NECTIN2: variants seen among roughly 807,000 people sequenced by gnomAD.
The protein encoded by NECTIN2 is nectin cell adhesion molecule 2.
A neutral mutation model predicts 56.9 loss-of-function variants in NECTIN2; 23 were observed. The observed-to-expected ratio is 0.40, with a 90% CI of 0.29 to 0.57. The LOEUF (loss-of-function observed/expected upper bound fraction) is 0.57. Ranked by LOEUF, NECTIN2 falls within the 20% of genes least tolerant of loss-of-function variation. The pLI, the probability that NECTIN2 is intolerant of heterozygous loss-of-function variation, is 0.38. For missense variants in NECTIN2, 587 were observed against 718.3 expected (o/e 0.82, Z 2.09); for synonymous variants, 302 against 313.8 (o/e 0.96, Z 0.40).
Position 44,857,705 on chromosome 19 carries a change from G to GTTTTTTT in NECTIN2, c.89-7561_89-7560insTTTTTTT, listed in dbSNP as rs752045466. Among the ~76,000 whole-genome samples, 6 of 118,596 alleles carry GTTTTTTT rather than the reference G, an allele frequency of 5.1e-5. 2 individuals are homozygous for GTTTTTTT. The highest frequency in any genetic ancestry group is 8.7e-5 in the Non-Finnish European group (5 of 57,782). The allele number at this position is 118,596 out of a possible 152,430, so 77.8% of individuals were successfully genotyped here. A position where few individuals can be genotyped will look rare whatever the true frequency, so the allele number is the denominator to read the frequency against. On this transcript the variant is annotated intron_variant, in intron 1 of 8. Transcript: ENST00000252483. Reference sequence around the variant, plus strand: ...GCGTGAGCCATCGTGCCGGGTTTTTGTTTTTGTTTTTTTTTTTTTAAGAGA... The same window carrying GTTTTTTT: ...GCGTGAGCCATCGTGCCGGGTTTTTGTTTTTTTTTTTTGTTTTTTTTTTTTTAAGAGA...
chr19:44,888,070 A>G (rs1568601945), intron 8 of NECTIN2, 40 bp from the exon 9 acceptor site: 1 of 1,592,206 alleles, frequency 6.3e-7, no homozygotes, highest in Non-Finnish European at 8.6e-7. Context: ...TGTCGTGCGT[A>G]GGAAGTGATC....
intron 2 of NECTIN2, among the ~76,000 whole-genome samples, chr19:44,871,503 A>G (rs1969173904): frequency 6.6e-6 from 1 of 152,144 alleles, no homozygotes; most frequent in Non-Finnish European, 1.5e-5. Context: ...ACTCGAGACC[A>G]GGTGACAGAG....
At chr19:44,856,802 C>A (rs1470700478) in intron 1 of NECTIN2, among the ~76,000 whole-genome samples, 1 of 152,202 alleles carries the variant, frequency 6.6e-6, no homozygotes, top group Admixed American at 6.5e-5. Flanking sequence ...CATATCCGGA[C>A]TTCTGTCTGG....
chr19:44,878,843 C>G (rs1387182573), intron 5 of NECTIN2: 3 of 1,325,394 alleles, frequency 2.3e-6, no homozygotes, highest in Non-Finnish European at 2.9e-6. Flanking sequence ...AGTGGGGATC[C>G]AGAGAGGACC....
intron 1 of NECTIN2, among the ~76,000 whole-genome samples, chr19:44,862,612 T>C (rs1356521083): frequency 1.3e-5 from 2 of 152,156 alleles, no homozygotes; most frequent in Non-Finnish European, 2.9e-5. Context: ...AAATACCACA[T>C]GTTCTCACTT....
chr19:44,872,092 G>A lies in NECTIN2; in HGVS notation c.718G>A (p.Val240Met), dbSNP rs1969181654. 6.2e-7 allele frequency: 1 copy of A among 1,614,198 alleles called. No homozygotes were observed. Among genetic ancestry groups the A allele is most frequent in the Non-Finnish European group, 8.5e-7 (1 of 1,180,030 alleles). ...RADGVTVTCKVEHESFEEPAL... is the reference protein window; with the variant it reads ...RADGVTVTCKMEHESFEEPAL... ...AGATGGTGTCACGGTCACCTGCAAA[G>A]TGGAGCATGAGAGCTTCGAGGAACC... Residue 240 changes from valine to methionine, a missense_variant, in exon 3 of 9, where the codon GTG (valine) becomes ATG (methionine). Val to Met is a conservative substitution (Grantham distance 21). Coordinates refer to ENST00000252483, the MANE Select transcript of NECTIN2 (RefSeq NM_001042724.2).
At chr19:44,860,895 T>C (rs919010071) in intron 1 of NECTIN2, among the ~76,000 whole-genome samples, 2 of 151,802 alleles carry the variant, frequency 1.3e-5, no homozygotes, top group Non-Finnish European at 2.9e-5. Context: ...CCAGCCTTAA[T>C]TGTATACTTT....
chr19:44,878,417 C>T, intron 5 of NECTIN2: 1 of 1,575,364 alleles, frequency 6.3e-7, no homozygotes, highest in Non-Finnish European at 8.6e-7. Flanking sequence ...TCCGAAAGCT[C>T]AGGTGTTGGG....
At chr19:44,868,643 G>A (rs1449790925) in intron 2 of NECTIN2, among the ~76,000 whole-genome samples, 1 of 151,796 alleles carries the variant, frequency 6.6e-6, no homozygotes, top group Non-Finnish European at 1.5e-5. Context: ...GCTGGGCGTG[G>A]TGGCTCACTC....
intron 1 of NECTIN2, among the ~76,000 whole-genome samples, chr19:44,857,726 A>C (rs1462758763): frequency 9.9e-6 from 1 of 101,270 alleles, no homozygotes. Flanking sequence ...TTTTTTTTTA[A>C]GAGATGAAGT....
At chr19:44,867,758 G>A (rs1045210584) in intron 2 of NECTIN2, among the ~76,000 whole-genome samples, 3 of 152,134 alleles carry the variant, frequency 2.0e-5, no homozygotes, top group Non-Finnish European at 4.4e-5. Context: ...CACATTACAC[G>A]GGCTTCACAG....
In NECTIN2 at chr19:44,865,898, C is replaced by T. The variant is rs1346285166; in HGVS notation, c.478+238C>T. ...AACAAAAAAATAAGTATTGGCTGGGCGCAGTGGCCCACCCCTGTAATCCTA... is the reference window on the plus strand; with the variant it reads ...AACAAAAAAATAAGTATTGGCTGGGTGCAGTGGCCCACCCCTGTAATCCTA... On this transcript the variant is annotated intron_variant, in intron 2 of 8. Coordinates refer to ENST00000252483, the MANE Select transcript of NECTIN2 (RefSeq NM_001042724.2). The surrounding 1 kb of genome is among the most constrained non-coding windows in gnomAD (Gnocchi z 5.2). Among the ~76,000 whole-genome samples, 2 of 152,086 alleles carry T rather than the reference C, an allele frequency of 1.3e-5. No homozygotes were observed. The highest frequency in any genetic ancestry group is 2.9e-5 in the Non-Finnish European group (2 of 68,010).
intron 6 of NECTIN2, among the ~76,000 whole-genome samples, chr19:44,883,077 G>A (rs1969326037): frequency 6.6e-6 from 1 of 152,088 alleles, no homozygotes; most frequent in Non-Finnish European, 1.5e-5. Flanking sequence ...CACCATGGCT[G>A]GCCAGTTGTT....
At chr19:44,878,788 C>T in intron 5 of NECTIN2, 1 of 1,411,138 alleles carries the variant, frequency 7.1e-7, no homozygotes, top group Non-Finnish European at 9.2e-7. Flanking sequence ...GCACACTGGA[C>T]TTCTCCCGTC....
chr19:44,868,020 A>G (rs1472234700), intron 2 of NECTIN2, among the ~76,000 whole-genome samples: 1 of 151,920 alleles, frequency 6.6e-6, no homozygotes, highest in African/African-American at 2.4e-5. Context: ...TTTTTAGAAG[A>G]TAGTAGGTGC....
At chr19:44,852,164 A>T (rs1212383972) in intron 1 of NECTIN2, among the ~76,000 whole-genome samples, 1 of 150,490 alleles carries the variant, frequency 6.6e-6, no homozygotes, top group East Asian at 2.0e-4. Context: ...CCAAGCTGGC[A>T]ATAGTGTCTC....
At chr19:44,856,811 G>A (rs188308381) in intron 1 of NECTIN2, among the ~76,000 whole-genome samples, 13 of 152,288 alleles carry the variant, frequency 8.5e-5, no homozygotes. Context: ...ACTTCTGTCT[G>A]GAGCTTTAGA....
In NECTIN2 at chr19:44,865,851, G is replaced by C. The variant is rs981353389; in HGVS notation, c.478+191G>C. On this transcript the variant is annotated intron_variant, in intron 2 of 8. Transcript: ENST00000252483. The surrounding 1 kb of genome is among the most constrained non-coding windows in gnomAD (Gnocchi z 5.2). The stretch of plus-strand genomic sequence containing the variant: ...TTTCTGTGTGCTGAGGATGTGGCAG[G>C]CAACCAGGCATTCTTGGGAAAAACA... Among the ~76,000 whole-genome samples, 7 of 152,154 alleles carry C rather than the reference G, an allele frequency of 4.6e-5. No individual in the cohort carries two copies. The highest frequency in any genetic ancestry group is 1.0e-4 in the Non-Finnish European group (7 of 68,020).
At chr19:44,859,592 G>A (rs2054709903) in intron 1 of NECTIN2, among the ~76,000 whole-genome samples, 1 of 152,232 alleles carries the variant, frequency 6.6e-6, no homozygotes, top group African/African-American at 2.4e-5. Flanking sequence ...GGGAGGCCAA[G>A]GCGGGTGGAT....
Sources: allele counts gnomAD v4.1 joint callset (sites outside exome capture counted in the v4.1 genomes callset), GRCh38; gene constraint gnomAD v4.1.1; non-coding constraint Gnocchi (gnomAD v3.1); transcripts MANE v1.5; gene names NCBI Gene and HGNC (gene_info 2026-07-23, HGNC 2026-07-21).